The following MARCHF3 variants were observed in gnomAD, a reference collection of about 807,000 sequenced individuals.
The protein encoded by MARCHF3 is E3 ubiquitin-protein ligase MARCHF3.
In MARCHF3, 13 loss-of-function variants were observed where a neutral mutation model predicts 24.2. The observed-to-expected ratio is 0.54, with a 90% CI of 0.35 to 0.85. The LOEUF is 0.85. MARCHF3 is among the 40% of genes least tolerant of loss of function. The pLI, the probability that MARCHF3 is intolerant of heterozygous loss-of-function variation, is 0.01. For missense variants in MARCHF3, 276 were observed against 325.0 expected (o/e 0.85, Z 1.16); for synonymous variants, 144 against 137.3 (o/e 1.05, Z -0.34).
intron 3 of MARCHF3, among the ~76,000 whole-genome samples, chr5:126,894,414 A>T (rs1414494264): frequency 2.6e-5 from 4 of 151,474 alleles, no homozygotes; most frequent in Admixed American, 6.6e-5. Flanking sequence ...ATGATTTTGC[A>T]GCGGCTGGTA....
In MARCHF3 at chr5:126,962,546, T is replaced by A. The variant is rs377743729; in HGVS notation, c.-56-44319A>T. 2.0e-5 allele frequency among the ~76,000 whole-genome samples: 3 copies of A among 152,186 alleles called. No homozygotes were observed. The East Asian group carries it at 5.8e-4, about 29-fold the overall frequency. On this transcript the variant is annotated intron_variant, in intron 1 of 4. Transcript: ENST00000308660. ...TTCATTGCTGACATGATGCCACAAG[T>A]GGAAAATTTCATACCTGACACTCTG...
intron 1 of MARCHF3, among the ~76,000 whole-genome samples, chr5:126,935,296 T>C (rs1382810668): frequency 1.3e-5 from 2 of 152,154 alleles, no homozygotes; most frequent in Non-Finnish European, 2.9e-5. Context: ...CCTTCAATCA[T>C]GTGAAGGTCC....
intron 1 of MARCHF3, among the ~76,000 whole-genome samples, chr5:126,971,503 C>T (rs1402738179): frequency 6.6e-6 from 1 of 151,740 alleles, no homozygotes; most frequent in Non-Finnish European, 1.5e-5. Context: ...TTGACCCTAT[C>T]CCCAACATCC....
chr5:126,989,205 G>A (rs1168606332), intron 1 of MARCHF3, among the ~76,000 whole-genome samples: 1 of 152,016 alleles, frequency 6.6e-6, no homozygotes, highest in Non-Finnish European at 1.5e-5. Context: ...CTTGAGCCTA[G>A]GTGTTTAAGC....
intron 2 of MARCHF3, among the ~76,000 whole-genome samples, chr5:126,916,733 A>ACACACACACACAC (rs1748866706): frequency 6.6e-6 from 1 of 150,794 alleles, no homozygotes; most frequent in Non-Finnish European, 1.5e-5. Context: ...ACACACACAC[A>ACACACACACACAC]GAGGCTCACA....
Position 126,878,190 on chromosome 5 carries a change from T to G in MARCHF3, c.598A>C (p.Thr200Pro). The change falls in exon 4 of 5, where the codon ACA becomes CCA. Residue 200 changes from threonine to proline, a missense_variant. Thr to Pro is a conservative substitution (Grantham distance 38, BLOSUM62 -1). Transcript: ENST00000308660. Reference protein sequence around the residue: ...VALFTIYLFWTLVSFRYHCRL... With the variant: ...VALFTIYLFWPLVSFRYHCRL... Reference sequence around the variant, plus strand: ...CAGCCACGGCCCATACTTACTAGTGTCCAAAAGAGGTAAATAGTGAAGAGT... The same window carrying G: ...CAGCCACGGCCCATACTTACTAGTGGCCAAAAGAGGTAAATAGTGAAGAGT... 2 of 1,614,150 alleles carry G rather than the reference T, an allele frequency of 1.2e-6. No homozygotes were observed. Among genetic ancestry groups the G allele is most frequent in the Non-Finnish European group, 1.7e-6 (2 of 1,179,990 alleles).
At chr5:126,872,901 T>G (rs368033839) in intron 4 of MARCHF3, among the ~76,000 whole-genome samples, 255 of 152,258 alleles carry the variant, frequency 1.7e-3, no homozygotes, top group Non-Finnish European at 2.6e-4. Context: ...GTCCTGCTGC[T>G]GCTTGGTGCC....
At chr5:126,934,393 A>C (rs984171995) in intron 1 of MARCHF3, among the ~76,000 whole-genome samples, 2 of 152,050 alleles carry the variant, frequency 1.3e-5, no homozygotes, top group African/African-American at 4.8e-5. Context: ...CTTAACTTCT[A>C]AGCAGTCCAG....
chr5:127,015,372 C>G (rs1752606669), intron 1 of MARCHF3, among the ~76,000 whole-genome samples: 1 of 152,076 alleles, frequency 6.6e-6, no homozygotes. Context: ...GGAAGATGAG[C>G]AGGGAGGAGG....
chr5:126,922,697 C>T (rs1749158208), intron 1 of MARCHF3, among the ~76,000 whole-genome samples: 1 of 152,108 alleles, frequency 6.6e-6, no homozygotes, highest in African/African-American at 2.4e-5. Context: ...CAGGTGCATG[C>T]CACCATGCCT....
intron 1 of MARCHF3, among the ~76,000 whole-genome samples, chr5:126,982,513 G>C (rs898370661): frequency 2.0e-5 from 3 of 152,174 alleles, no homozygotes; most frequent in African/African-American, 7.2e-5. Flanking sequence ...AAGGCAGTCT[G>C]GGCCCCATCT....
intron 1 of MARCHF3, among the ~76,000 whole-genome samples, chr5:126,944,357 G>A (rs1749937827): frequency 6.6e-6 from 1 of 152,212 alleles, no homozygotes; most frequent in East Asian, 1.9e-4. Flanking sequence ...CAGTACTTTG[G>A]GAGGGTGAAG....
intron 1 of MARCHF3, among the ~76,000 whole-genome samples, chr5:126,979,670 C>T (rs112644021): frequency 0.022 from 3,400 of 152,094 alleles, 111 homozygotes; most frequent in African/African-American, 0.078. Context: ...AAAGTGAGGC[C>T]AGGCGCAGTG....
chr5:126,957,834 G>A (rs1750500153), intron 1 of MARCHF3, among the ~76,000 whole-genome samples: 1 of 151,968 alleles, frequency 6.6e-6, no homozygotes, highest in Non-Finnish European at 1.5e-5. Flanking sequence ...TTGTTACCTT[G>A]TTAAAAATGT....
At chr5:126,965,944 C>A (rs1005201113) in intron 1 of MARCHF3, among the ~76,000 whole-genome samples, 3 of 152,088 alleles carry the variant, frequency 2.0e-5, no homozygotes, top group Admixed American at 2.0e-4. Context: ...CAAACAGAAA[C>A]AACAGGTGAA....
At chr5:126,937,496 T>C (rs1018023476) in intron 1 of MARCHF3, among the ~76,000 whole-genome samples, 1 of 152,256 alleles carries the variant, frequency 6.6e-6, no homozygotes, top group Non-Finnish European at 1.5e-5. Flanking sequence ...GGAATTTATA[T>C]ATCCAAATTG....
At chr5:126,968,666 C>G (rs971418506) in intron 1 of MARCHF3, among the ~76,000 whole-genome samples, 6 of 152,172 alleles carry the variant, frequency 3.9e-5, no homozygotes, top group Non-Finnish European at 8.8e-5. Context: ...ACCTCCACCT[C>G]CTGGGTTCAA....
rs1491307512 is a variant in MARCHF3, at chr5:126,916,690, CAG to C, written c.188+1292_188+1293del. Among the ~76,000 whole-genome samples, 83 of 129,922 alleles carry C rather than the reference CAG, an allele frequency of 6.4e-4. 1 individual carries two copies. The highest frequency in any genetic ancestry group is 1.7e-3 in the African/African-American group (59 of 35,286). 85.2% of individuals were successfully genotyped at this position (129,922 alleles called of 152,430 possible). On this transcript the variant is annotated intron_variant, in intron 2 of 4. Coordinates refer to ENST00000308660, the MANE Select transcript of MARCHF3 (RefSeq NM_178450.5). ...TAAAAATACCTGACAGACAGACAGA[CAG>C]ACACACACACACACACACACACACA...
At chr5:126,887,144 C>A (rs1482219098) in intron 3 of MARCHF3, among the ~76,000 whole-genome samples, 2 of 152,206 alleles carry the variant, frequency 1.3e-5, no homozygotes, top group African/African-American at 4.8e-5. Context: ...TCCCCATCAC[C>A]CTTAGCCTAA....
Sources: gnomAD v4.1 joint callset for allele counts (sites outside exome capture counted in the v4.1 genomes callset) on GRCh38, gnomAD v4.1.1 for gene constraint, MANE v1.5 for transcripts, NCBI Gene and HGNC (gene_info 2026-07-23, HGNC 2026-07-21) for gene names.